The following VPS53 variants were observed in gnomAD, a reference collection of about 807,000 sequenced individuals.
The protein encoded by VPS53 is vacuolar protein sorting-associated protein 53 homolog.
VPS53 carries 70 observed loss-of-function variants against 107.0 expected under a neutral mutation model. The observed-to-expected ratio is 0.65, with a 90% CI of 0.54 to 0.80. VPS53 has a LOEUF of 0.80. Among genes scored for constraint, VPS53 ranks in the 30% least tolerant of loss-of-function variants. The pLI is 0.00. For missense variants in VPS53, 917 were observed against 1,049.4 expected (o/e 0.87, Z 1.74); for synonymous variants, 409 against 393.3 (o/e 1.04, Z -0.47).
chr17:519,677 C>G lies in VPS53; in HGVS notation c.2328+149G>C. 1.5e-6 allele frequency: 1 copy of G among 684,642 alleles called. No individual in the cohort carries two copies. The highest frequency in any genetic ancestry group is 2.5e-6 in the Non-Finnish European group (1 of 396,256). 42.4% of individuals were successfully genotyped at this position (684,642 alleles called of 1,614,324 possible). On this transcript the variant is annotated intron_variant, in intron 21 of 21. Coordinates refer to ENST00000437048, the MANE Select transcript of VPS53 (RefSeq NM_001128159.3). This position sits in a 1 kb window ranked among gnomAD's most constrained non-coding sequence, Gnocchi z 5.0. The stretch of plus-strand genomic sequence containing the variant: ...GCACGTGCCCGGGGCCATCCTCCTC[C>G]AGAGGCTTCTCTGAATCCGGTTTGC...
At chr17:685,847 T>G (rs1972566453) in intron 4 of VPS53, among the ~76,000 whole-genome samples, 2 of 151,964 alleles carry the variant, frequency 1.3e-5, no homozygotes, top group African/African-American at 4.8e-5. Flanking sequence ...AAAAAAAAAC[T>G]TTTTAAATTA....
intron 13 of VPS53, among the ~76,000 whole-genome samples, chr17:582,597 C>G (rs1335884826): frequency 6.7e-6 from 1 of 149,114 alleles, no homozygotes; most frequent in Non-Finnish European, 1.5e-5. Context: ...GGGAACTTCC[C>G]TCAGAACCTC....
chr17:525,954 G>A (rs988708391), intron 19 of VPS53, among the ~76,000 whole-genome samples: 7 of 131,500 alleles, frequency 5.3e-5, no homozygotes, highest in Middle Eastern at 5.2e-3. Flanking sequence ...CCGAGATCGC[G>A]CCATTGTACT....
chr17:703,171 T>C (rs566078845), intron 2 of VPS53, among the ~76,000 whole-genome samples: 2 of 150,702 alleles, frequency 1.3e-5, no homozygotes, highest in South Asian at 2.1e-4. Context: ...ATCACACCAC[T>C]GCATTCCAAC....
In VPS53 at chr17:517,300, A is replaced by G. The variant is rs1017024888; in HGVS notation, c.*1828T>C. 5.1e-6 allele frequency: 2 copies of G among 395,438 alleles called. No individual in the cohort carries two copies. The highest frequency in any genetic ancestry group is 2.7e-4 in the South Asian group (2 of 7,384). 24.5% of individuals were successfully genotyped at this position (395,438 alleles called of 1,614,324 possible). A position where few individuals can be genotyped will look rare whatever the true frequency, so the allele number is the denominator to read the frequency against. On this transcript the variant is annotated 3_prime_UTR_variant, in exon 22 of 22. Coordinates refer to ENST00000437048, the MANE Select transcript of VPS53 (RefSeq NM_001128159.3). Reference sequence around the variant, plus strand: ...ACGCTTGATGCGTGAGAGTCAAACCAGCTAGCAAGGACAGCCTGGAAGCCG... The same window carrying G: ...ACGCTTGATGCGTGAGAGTCAAACCGGCTAGCAAGGACAGCCTGGAAGCCG...
intron 10 of VPS53, among the ~76,000 whole-genome samples, chr17:626,923 A>C (rs1224740200): frequency 6.6e-6 from 1 of 152,188 alleles, no homozygotes; most frequent in African/African-American, 2.4e-5. Flanking sequence ...AATCTGGTGT[A>C]TAAGCCTTGA....
At chr17:666,632 C>T (rs953379481) in intron 4 of VPS53, among the ~76,000 whole-genome samples, 1 of 152,012 alleles carries the variant, frequency 6.6e-6, no homozygotes, top group African/African-American at 2.4e-5. Flanking sequence ...CCACTGCACT[C>T]CAGCCTGGGC....
intron 14 of VPS53, among the ~76,000 whole-genome samples, chr17:560,848 TG>T (rs1298427600): frequency 6.6e-6 from 1 of 152,240 alleles, no homozygotes; most frequent in Non-Finnish European, 1.5e-5. Context: ...GCTGCTGAGC[TG>T]TCCTCTCTTT....
At chr17:545,681 C>G (rs1004812846) in intron 17 of VPS53, among the ~76,000 whole-genome samples, 1 of 152,220 alleles carries the variant, frequency 6.6e-6, no homozygotes, top group African/African-American at 2.4e-5. Context: ...TCAGGGAATA[C>G]TACAGTTAAG....
intron 11 of VPS53, 80 bp from the exon 12 acceptor site, chr17:601,976 G>T: frequency 1.8e-6 from 2 of 1,090,338 alleles, no homozygotes; most frequent in Non-Finnish European, 1.3e-6. Context: ...TTTTCTAGGT[G>T]TCTCCAACAA....
At chr17:555,263 G>A (rs1020802356) in intron 15 of VPS53, among the ~76,000 whole-genome samples, 5 of 152,080 alleles carry the variant, frequency 3.3e-5, no homozygotes, top group African/African-American at 4.8e-5. Context: ...AGGGTCCTTC[G>A]CCCTCAGGAC....
intron 11 of VPS53, among the ~76,000 whole-genome samples, chr17:622,301 A>T (rs1291209885): frequency 6.6e-6 from 1 of 152,174 alleles, no homozygotes; most frequent in East Asian, 1.9e-4. Context: ...ACATTACAGC[A>T]GAATCGGGAT....
intron 19 of VPS53, chr17:523,297 G>A (rs2096856116): frequency 1.3e-5 from 2 of 152,402 alleles, no homozygotes; most frequent in Admixed American, 6.5e-5. Context: ...AGCAGACAAC[G>A]GCAGCAGTGG....
intron 7 of VPS53, chr17:632,891 G>A (rs1332518430): frequency 2.5e-6 from 1 of 400,584 alleles, no homozygotes; most frequent in South Asian, 1.8e-5. Context: ...ACAAATAAAT[G>A]AAAAGAATGT....
At chr17:607,743 T>C (rs979461986) in intron 11 of VPS53, among the ~76,000 whole-genome samples, 2 of 152,242 alleles carry the variant, frequency 1.3e-5, no homozygotes, top group African/African-American at 4.8e-5. Flanking sequence ...ACAGTTGATT[T>C]CAAGCCGATA....
chr17:676,281 T>G (rs1201147743), intron 4 of VPS53: 1 of 152,240 alleles, frequency 6.6e-6, no homozygotes, highest in Non-Finnish European at 1.5e-5. Flanking sequence ...GGCCAAGTTC[T>G]TCCATGAAGA....
At chr17:639,147 C>T (rs1425461445) in intron 7 of VPS53, among the ~76,000 whole-genome samples, 1 of 152,176 alleles carries the variant, frequency 6.6e-6, no homozygotes, top group African/African-American at 2.4e-5. Flanking sequence ...AACTTCTCTT[C>T]TTGCTTCATT....
At chr17:677,871 A>G (rs901474980) in intron 4 of VPS53, among the ~76,000 whole-genome samples, 10 of 152,038 alleles carry the variant, frequency 6.6e-5, no homozygotes, top group Non-Finnish European at 1.2e-4. Flanking sequence ...TGTAATCCCA[A>G]CATTTAAAAG....
chr17:670,358 G>T (rs1053483829), intron 4 of VPS53, among the ~76,000 whole-genome samples: 2 of 152,174 alleles, frequency 1.3e-5, no homozygotes, highest in African/African-American at 4.8e-5. Flanking sequence ...TAGCCTAGAA[G>T]GCTCAGCAAA....
Sources: gnomAD v4.1 joint callset for allele counts (sites outside exome capture counted in the v4.1 genomes callset) on GRCh38, gnomAD v4.1.1 for gene constraint, Gnocchi (gnomAD v3.1) non-coding constraint, MANE v1.5 for transcripts, NCBI Gene and HGNC (gene_info 2026-07-23, HGNC 2026-07-21) for gene names.